The following DGKH variants were observed in gnomAD, a reference collection of about 807,000 sequenced individuals.
DGKH encodes diacylglycerol kinase eta.
DGKH carries 90 observed loss-of-function variants against 159.3 expected under a neutral mutation model. That is an observed-to-expected ratio of 0.57 (90% confidence interval 0.48 to 0.67). The LOEUF (loss-of-function observed/expected upper bound fraction) is 0.67, where lower values mean the gene tolerates loss of function less well. Ranked by LOEUF, DGKH falls within the 30% of genes least tolerant of loss-of-function variation. The pLI is 0.00. For missense variants in DGKH, 1,181 were observed against 1,506.1 expected (o/e 0.78, Z 3.57); for synonymous variants, 536 against 553.8 (o/e 0.97, Z 0.45).
chr13:42,099,555 C>T (rs1273007124), intron 1 of DGKH, among the ~76,000 whole-genome samples: 1 of 152,092 alleles, frequency 6.6e-6, no homozygotes, highest in Non-Finnish European at 1.5e-5. Context: ...GTGTGAATGG[C>T]GGGGCTGAGG....
chr13:42,167,569 T>C (rs1956343020), intron 9 of DGKH, among the ~76,000 whole-genome samples: 1 of 152,130 alleles, frequency 6.6e-6, no homozygotes, highest in Non-Finnish European at 1.5e-5. Flanking sequence ...CTCAGGCCCT[T>C]CTGGTCACAT....
At chr13:42,248,522 T>C (rs1958597974) in intron 29 of DGKH, among the ~76,000 whole-genome samples, 1 of 147,216 alleles carries the variant, frequency 6.8e-6, no homozygotes, top group Admixed American at 6.8e-5. Context: ...TATATATTTA[T>C]GCAATTATTT....
At chr13:42,109,651 CCTGTGCGTGCG>C (rs1954823246) in intron 1 of DGKH, among the ~76,000 whole-genome samples, 10 of 81,222 alleles carry the variant, frequency 1.2e-4, no homozygotes, top group Non-Finnish European at 9.4e-5. Context: ...TGCGTGCGTG[CCTGTGCGTGCG>C]TGTGTGTGCG....
chr13:42,095,954 CTA>C (rs910827676), intron 1 of DGKH, among the ~76,000 whole-genome samples: 1 of 152,070 alleles, frequency 6.6e-6, no homozygotes, highest in African/African-American at 2.4e-5. Flanking sequence ...TATATTGTTT[CTA>C]TGTCATTGCT....
chr13:42,070,881 T>G, intron 1 of DGKH: 1 of 1,295,260 alleles, frequency 7.7e-7, no homozygotes, highest in Non-Finnish European at 1.1e-6. Flanking sequence ...CATGGTCAAG[T>G]CTTCTAATAA....
In DGKH at chr13:42,231,501, A is replaced by G. The variant is rs547710685; in HGVS notation, c.*2313A>G. On this transcript the variant is annotated 3_prime_UTR_variant, in exon 30 of 30. Coordinates refer to ENST00000337343, the MANE Select transcript of DGKH (RefSeq NM_178009.5). ...TGTGAACACTTTCCTGTGCAACCAA[A>G]CAGGAGGTGCCAGGTTCCCAGAACT... The G allele has an allele frequency of 6.6e-6, 1 of 152,274 alleles. No homozygotes were observed. The highest frequency in any genetic ancestry group is 2.1e-4 in the South Asian group (1 of 4,818). The allele number at this position is 152,274 out of a possible 1,614,324, so 9.4% of individuals were successfully genotyped here.
At chr13:42,170,391 C>T (rs976157417) in intron 11 of DGKH, among the ~76,000 whole-genome samples, 5 of 151,726 alleles carry the variant, frequency 3.3e-5, no homozygotes, top group South Asian at 2.1e-4. Flanking sequence ...ACAATCTGGG[C>T]GACAGAGTGA....
chr13:42,236,931 C>G lies in DGKH; in HGVS notation c.*7743C>G, dbSNP rs1013783669. On this transcript the variant is annotated 3_prime_UTR_variant, in exon 30 of 30. Transcript: ENST00000337343. ...GGGAAAAAAAAGAATTTTGAACCCC[C>G]CAAAATATCACATATCTAGCAGTTC... 1.3e-5 allele frequency: 2 copies of G among 152,016 alleles called. No individual in the cohort carries two copies. The highest frequency in any genetic ancestry group is 4.8e-5 in the African/African-American group (2 of 41,346). 9.4% of individuals were successfully genotyped at this position (152,016 alleles called of 1,614,324 possible).
chr13:42,207,141 C>T (rs1452608786), intron 21 of DGKH, among the ~76,000 whole-genome samples: 5 of 44,554 alleles, frequency 1.1e-4, no homozygotes, highest in East Asian at 6.2e-4. Flanking sequence ...TTCCTTCCTT[C>T]CTTCCTTCCT....
intron 8 of DGKH, 53 bp downstream of exon 8, chr13:42,165,486 T>C: frequency 1.0e-6 from 1 of 988,844 alleles, no homozygotes; most frequent in Non-Finnish European, 1.4e-6. Flanking sequence ...AACATTGATA[T>C]GTATATTTCT....
At chr13:42,120,918 C>A (rs1405175008) in intron 1 of DGKH, among the ~76,000 whole-genome samples, 1 of 152,090 alleles carries the variant, frequency 6.6e-6, no homozygotes, top group African/African-American at 2.4e-5. Flanking sequence ...AAGTTATGAA[C>A]CACTGTCACA....
chr13:42,225,901 A>C (rs922022882), intron 29 of DGKH, among the ~76,000 whole-genome samples: 1 of 152,086 alleles, frequency 6.6e-6, no homozygotes, highest in Non-Finnish European at 1.5e-5. Context: ...TATTGAACTC[A>C]AACTAAAACG....
In DGKH at chr13:42,149,740, G is replaced by T. The variant is rs543365039; in HGVS notation, c.385-5551G>T. ...AAAGTCACAAAACAGACATGAAGTG[G>T]GTGCAGCAAATCAAATGTTAATATG... On this transcript the variant is annotated intron_variant, in intron 3 of 29. Transcript: ENST00000337343. Among the ~76,000 whole-genome samples, 4 of 152,242 alleles carry T rather than the reference G, an allele frequency of 2.6e-5. No homozygotes were observed. The East Asian group carries it at 7.7e-4, about 29-fold the overall frequency.
intron 3 of DGKH, among the ~76,000 whole-genome samples, chr13:42,151,709 G>T (rs1054288658): frequency 2.7e-5 from 4 of 150,692 alleles, no homozygotes; most frequent in Non-Finnish European, 5.9e-5. Flanking sequence ...TGGATACTTA[G>T]GTTGATTCCA....
At position 42,210,909 on chromosome 13, in the gene DGKH, G is replaced by A. The variant is rs370207375; in HGVS notation, c.3014+144G>A. The stretch of plus-strand genomic sequence containing the variant: ...TTCACACAGCACTCTTTCCATTATT[G>A]TTTATTTCTCCATTTTATATACATC... On this transcript the variant is annotated intron_variant, in intron 24 of 29. Transcript: ENST00000337343. 60 of 707,400 alleles carry A rather than the reference G, an allele frequency of 8.5e-5. No homozygotes were observed. The East Asian group carries it at 1.6e-3, about 19-fold the overall frequency. The allele number at this position is 707,400 out of a possible 1,614,324, so 43.8% of individuals were successfully genotyped here.
intron 11 of DGKH, among the ~76,000 whole-genome samples, chr13:42,173,178 C>T (rs1477869236): frequency 6.6e-6 from 1 of 152,084 alleles, no homozygotes; most frequent in Non-Finnish European, 1.5e-5. Context: ...ACCATGTTGC[C>T]CAGGCTGGTC....
At chr13:42,108,987 A>G (rs1337398243) in intron 1 of DGKH, among the ~76,000 whole-genome samples, 2 of 152,238 alleles carry the variant, frequency 1.3e-5, no homozygotes, top group African/African-American at 4.8e-5. Flanking sequence ...TAAAAATAAG[A>G]TATGCCAACG....
chr13:42,187,187 G>A, intron 14 of DGKH, 39 bp downstream of exon 14: 3 of 1,514,360 alleles, frequency 2.0e-6, no homozygotes, highest in Non-Finnish European at 1.8e-6. Flanking sequence ...GTTGTTTATG[G>A]ACAATGCTCA....
In DGKH at chr13:42,239,306, G is replaced by T. The variant is rs1280425370; in HGVS notation, c.*10118G>T. 1 of 152,446 alleles carries T rather than the reference G, an allele frequency of 6.6e-6. No individual in the cohort carries two copies. Among genetic ancestry groups the T allele is most frequent in the Non-Finnish European group, 1.5e-5 (1 of 67,966 alleles). The allele number at this position is 152,446 out of a possible 1,614,324, so 9.4% of individuals were successfully genotyped here. A position where few individuals can be genotyped will look rare whatever the true frequency, so the allele number is the denominator to read the frequency against. On this transcript the variant is annotated 3_prime_UTR_variant, in exon 30 of 30. Transcript: ENST00000337343. ...TCTTTTGTTTTCTCTCCTTTTACTT[G>T]AAAAGCTTTCAGAAAGCTTTTGAAA...
Sources: gnomAD v4.1 joint callset for allele counts (sites outside exome capture counted in the v4.1 genomes callset) on GRCh38, gnomAD v4.1.1 for gene constraint, MANE v1.5 for transcripts, NCBI Gene and HGNC (gene_info 2026-07-23, HGNC 2026-07-21) for gene names.